SULT1E1: variants seen among roughly 807,000 people sequenced by gnomAD.
The protein encoded by SULT1E1 is sulfotransferase 1E1.
A neutral mutation model predicts 33.6 loss-of-function variants in SULT1E1; 36 were observed. That is an observed-to-expected ratio of 1.07 (90% CI 0.82 to 1.41). The LOEUF (loss-of-function observed/expected upper bound fraction) is 1.41. Ranked by LOEUF, SULT1E1 falls within the 40% of genes most tolerant of loss-of-function variation. The probability of loss-of-function intolerance (pLI) is 0.00; values close to 1 mark genes in which losing one functional copy is unlikely to be tolerated. For synonymous variants in SULT1E1, 121 were observed against 111.7 expected, an observed-to-expected ratio of 1.08 and a Z score of -0.53; for missense variants, 371 against 345.7, an observed-to-expected ratio of 1.07 and a Z score of -0.58.
At chr4:69,847,459 A>T (rs1721002509) in intron 6 of SULT1E1, among the ~76,000 whole-genome samples, 1 of 151,426 alleles carries the variant, frequency 6.6e-6, no homozygotes, top group Admixed American at 6.6e-5. Context: ...AAGTTCTTTC[A>T]AATTTTTTCT....
the SULT1E1 span, among the ~76,000 whole-genome samples, chr4:69,829,872 A>G: frequency 1.3e-5 from 2 of 152,092 alleles, no homozygotes; most frequent in South Asian, 2.1e-4. Flanking sequence ...CTGGCCCCCT[A>G]CTTCCAAAGT....
chr4:69,843,523 T>C (rs1220603662), intron 7 of SULT1E1, among the ~76,000 whole-genome samples: 1 of 152,156 alleles, frequency 6.6e-6, no homozygotes, highest in East Asian at 1.9e-4. Context: ...TTCTATTCTG[T>C]TTGTTTCTGC....
intron 2 of SULT1E1, 58 bp from the exon 3 acceptor site, chr4:69,855,484 G>A (rs1721215808): frequency 6.6e-7 from 1 of 1,522,060 alleles, no homozygotes; most frequent in Non-Finnish European, 8.8e-7. Flanking sequence ...GATGACATTA[G>A]TGCTGCATTT....
At chr4:69,821,502 A>G in the SULT1E1 span, among the ~76,000 whole-genome samples, 4 of 152,218 alleles carry the variant, frequency 2.6e-5, no homozygotes. Flanking sequence ...ATGCAGCCAA[A>G]TTATCTGTCA....
the SULT1E1 span, among the ~76,000 whole-genome samples, chr4:69,823,482 T>C: frequency 1.3e-5 from 2 of 152,146 alleles, no homozygotes; most frequent in East Asian, 1.9e-4. Flanking sequence ...GGAGTCATCA[T>C]TGCAGCCCAC....
At chr4:69,851,455 A>C (rs1170944053) in intron 4 of SULT1E1, among the ~76,000 whole-genome samples, 1 of 152,182 alleles carries the variant, frequency 6.6e-6, no homozygotes, top group African/African-American at 2.4e-5. Flanking sequence ...AATGGTGATC[A>C]TTAAAAAGTC....
intron 2 of SULT1E1, among the ~76,000 whole-genome samples, chr4:69,856,814 C>T (rs7674669): frequency 0.75 from 113,687 of 151,092 alleles, 44,244 homozygotes; most frequent in Non-Finnish European, 0.85. Flanking sequence ...CGGGCGCCTG[C>T]AGTCCCAGCT....
In SULT1E1 at chr4:69,844,319, T is replaced by C; in HGVS notation, c.614A>G (p.Lys205Arg). ...CTTCCTTTCCAGGAAATGTATCAAT[T>C]TTATCACCTCTTTTCTGATATCCTA... ...LKEDIRKEVI[K>R]LIHFLERKPS... is the part of the protein sequence containing the mutation. The change falls in exon 7 of 8, where the codon AAA (lysine) becomes AGA (arginine). Residue 205 changes from lysine to arginine, a missense_variant. Physicochemically the swap from Lys to Arg is conservative, Grantham distance 26. Transcript: ENST00000226444. 1 of 1,613,442 alleles carries C rather than the reference T, an allele frequency of 6.2e-7. No individual in the cohort carries two copies.
In SULT1E1 at chr4:69,849,295, C is replaced by A. The variant is rs927771153; in HGVS notation, c.496+142G>T. On this transcript the variant is annotated intron_variant, in intron 5 of 7. Transcript: ENST00000226444. ...TGGACACAGTATGCTTGCTCTAAAC[C>A]TCCAGGCGCCTTTAGATTTCTGTGT... 7 of 965,196 alleles carry A rather than the reference C, an allele frequency of 7.3e-6. No homozygotes were observed. The African/African-American group carries it at 1.2e-4, about 16-fold the overall frequency. 59.8% of individuals were successfully genotyped at this position (965,196 alleles called of 1,614,324 possible).
chr4:69,840,959 T>C (rs1472874295), downstream of SULT1E1, among the ~76,000 whole-genome samples: 1 of 151,826 alleles, frequency 6.6e-6, no homozygotes, highest in East Asian at 1.9e-4. Context: ...GGCAGGAGAA[T>C]GGCGGGAACC....
intron 4 of SULT1E1, among the ~76,000 whole-genome samples, chr4:69,851,707 A>C (rs1489785255): frequency 6.6e-6 from 1 of 152,202 alleles, no homozygotes; most frequent in African/African-American, 2.4e-5. Context: ...CACAATAGCA[A>C]AGACTTGGAA....
At chr4:69,831,503 C>T in the SULT1E1 span, among the ~76,000 whole-genome samples, 4 of 152,174 alleles carry the variant, frequency 2.6e-5, no homozygotes, top group Admixed American at 6.5e-5. Flanking sequence ...ATATCCTCGG[C>T]CAGCCAACTG....
rs755023688 is a variant in SULT1E1, at chr4:69,854,324, A to T, written c.272-10T>A. ...TCTAATTGTTTTACTCCTGATTTTT[A>T]AAAAAGTAAAGGTTAAGCAACTTCA... On this transcript the variant is annotated splice_polypyrimidine_tract_variant and intron_variant, in intron 3 of 7. Coordinates refer to ENST00000226444, the MANE Select transcript of SULT1E1 (RefSeq NM_005420.3). 7.7e-5 allele frequency: 123 copies of T among 1,589,772 alleles called. No individual in the cohort carries two copies. Among genetic ancestry groups the T allele is most frequent in the Non-Finnish European group, 1.0e-4 (119 of 1,163,572 alleles).
intron 6 of SULT1E1, 137 bp from the exon 7 acceptor site, chr4:69,844,478 G>A (rs1720936564): frequency 1.5e-6 from 1 of 662,618 alleles, no homozygotes; most frequent in East Asian, 3.0e-5. Flanking sequence ...ATCTAATTGG[G>A]GGAATTTTAT....
the SULT1E1 span, among the ~76,000 whole-genome samples, chr4:69,824,823 C>A: frequency 6.6e-6 from 1 of 152,138 alleles, no homozygotes. Flanking sequence ...AGGACGTGGG[C>A]AGGGCCAAAT....
intron 4 of SULT1E1, among the ~76,000 whole-genome samples, chr4:69,851,979 T>G (rs943690212): frequency 2.6e-5 from 4 of 151,500 alleles, no homozygotes. Context: ...TGTTGTGGGG[T>G]GGGGAGAGCG....
chr4:69,859,230 C>T (rs557614492), intron 1 of SULT1E1, among the ~76,000 whole-genome samples: 4 of 151,878 alleles, frequency 2.6e-5, no homozygotes, highest in Middle Eastern at 3.4e-3. Flanking sequence ...TTTTCCTTCC[C>T]GCTCTCCTTC....
At position 69,854,139 on chromosome 4, in the gene SULT1E1, A is replaced by T; in HGVS notation, c.369+78T>A. The T allele has an allele frequency of 4.3e-6, 4 of 926,202 alleles. No homozygotes were observed. In the South Asian group the frequency reaches 6.9e-5, roughly 16 times the overall value. 57.4% of individuals were successfully genotyped at this position (926,202 alleles called of 1,614,324 possible). On this transcript the variant is annotated intron_variant, in intron 4 of 7. Coordinates refer to ENST00000226444, the MANE Select transcript of SULT1E1 (RefSeq NM_005420.3). ...AGATTCAATGAAAGAATAAATAAAC[A>T]AGTGTGTATAACTGATGAGATCACT...
the SULT1E1 span, among the ~76,000 whole-genome samples, chr4:69,821,428 A>T: frequency 2.6e-5 from 4 of 152,232 alleles, no homozygotes; most frequent in East Asian, 7.7e-4. Flanking sequence ...GGCATAAAAC[A>T]TGGAGCAACA....
Sources: gnomAD v4.1 joint callset for allele counts (sites outside exome capture counted in the v4.1 genomes callset) on GRCh38, gnomAD v4.1.1 for gene constraint, MANE v1.5 for transcripts, NCBI Gene and HGNC (gene_info 2026-07-23, HGNC 2026-07-21) for gene names.